The following ZNF525 variants were observed in gnomAD, a reference collection of about 807,000 sequenced individuals.
ZNF525 encodes the protein zinc finger protein 525.
A neutral mutation model predicts 37.6 loss-of-function variants in ZNF525; 33 were observed. The observed-to-expected ratio is 0.88, with a 90% CI of 0.67 to 1.17. The LOEUF is 1.17. Among genes scored for constraint, ZNF525 ranks in the 50% most tolerant of loss-of-function variants. The probability of loss-of-function intolerance (pLI) is 0.00; values close to 1 mark genes in which losing one functional copy is unlikely to be tolerated. For missense variants in ZNF525, 449 were observed against 543.1 expected (o/e 0.83, Z 1.72); for synonymous variants, 170 against 182.3 (o/e 0.93, Z 0.54).
At chr19:53,380,607 CCTTT>C in intron 3 of ZNF525, 111 bp from the exon 4 acceptor site, 1 of 595,168 alleles carries the variant, frequency 1.7e-6, no homozygotes. Context: ...ATGTAATCGC[CCTTT>C]ATTTATTAAA....
chr19:53,366,554 A>G (rs1600005840), intron 1 of ZNF525, among the ~76,000 whole-genome samples: 1 of 151,994 alleles, frequency 6.6e-6, no homozygotes, highest in African/African-American at 2.4e-5. Context: ...AAAAAAAAAA[A>G]AAAGATAAGC....
intron 2 of ZNF525, 128 bp downstream of exon 2, chr19:53,372,424 C>T (rs1421729913): frequency 2.7e-6 from 2 of 748,950 alleles, no homozygotes; most frequent in East Asian, 2.5e-5. Flanking sequence ...CATGCCTTCC[C>T]TCAGTCCCTC....
rs138212595 is a variant in ZNF525 at position 53,386,273 on chromosome 19, C to T, written c.*4254C>T. 9.0e-5 allele frequency: 61 copies of T among 678,526 alleles called. 1 individual carries two copies. The highest frequency in any genetic ancestry group is 1.5e-4 in the Non-Finnish European group (56 of 364,966). 42.0% of individuals were successfully genotyped at this position (678,526 alleles called of 1,614,324 possible). ...ACTTTCAGGATTAAGCGATTCCTGG[C>T]CAAGAAACAAAAGCAAAACCATCCC... On this transcript the variant is annotated 3_prime_UTR_variant, in exon 4 of 4. Coordinates refer to ENST00000474037, the MANE Select transcript of ZNF525 (RefSeq NM_001348156.2).
chr19:53,386,121 A>T lies in ZNF525; in HGVS notation c.*4102A>T, dbSNP rs2045206641. ...CAGTGAACTGAGATGGCAACATTAC[A>T]CTCTAGCCTGAGCAACAAGAGCAAA... On this transcript the variant is annotated 3_prime_UTR_variant, in exon 4 of 4. Coordinates refer to ENST00000474037, the MANE Select transcript of ZNF525 (RefSeq NM_001348156.2). 1 of 398,744 alleles carries T rather than the reference A, an allele frequency of 2.5e-6. No individual in the cohort carries two copies. Among genetic ancestry groups the T allele is most frequent in the Non-Finnish European group, 4.8e-6 (1 of 208,960 alleles). 24.7% of individuals were successfully genotyped at this position (398,744 alleles called of 1,614,324 possible).
At position 53,380,991 on chromosome 19, in the gene ZNF525, T is replaced by G. The variant is rs1029926191; in HGVS notation, c.412T>G (p.Tyr138Asp). The G allele has an allele frequency of 1.1e-5, 18 of 1,589,596 alleles. No homozygotes were observed. Among genetic ancestry groups the G allele is most frequent in the Middle Eastern group, 1.7e-4 (1 of 6,022 alleles). The stretch of plus-strand genomic sequence containing the variant: ...GCATGCTGGAAACAAGCCTATTAAA[T>G]ATCAGCTTGGATCAAGCTTTCATTC... ...HRHAGNKPIK[Y>D]QLGSSFHSHL... Residue 138 changes from tyrosine to aspartate, a missense_variant, in exon 4 of 4, where the codon TAT (tyrosine) becomes GAT (aspartate). Transcript: ENST00000474037.
In ZNF525 at chr19:53,380,830, A is replaced by G. The variant is rs1414031822; in HGVS notation, c.251A>G (p.Asp84Gly). 1 of 1,439,876 alleles carries G rather than the reference A, an allele frequency of 6.9e-7. No individual in the cohort carries two copies. Among genetic ancestry groups the G allele is most frequent in the African/African-American group, 1.4e-5 (1 of 71,384 alleles). The allele number at this position is 1,439,876 out of a possible 1,614,324, so 89.2% of individuals were successfully genotyped here. ...AGACATGAACGTCATCACATTGGAG[A>G]TTTTTCCTTCCAGGAAATTGAGAAA... ...LQRHERHHIG[D>G]FSFQEIEKDI... Residue 84 changes from aspartate to glycine, a missense_variant, in exon 4 of 4, where the codon GAT becomes GGT. Asp to Gly is a moderately conservative substitution (Grantham distance 94). This residue lies in a region of ZNF525 where 271 missense variants were observed against 381.6 expected (regional missense o/e 0.71). Coordinates refer to ENST00000474037, the MANE Select transcript of ZNF525 (RefSeq NM_001348156.2).
At chr19:53,366,594 G>C (rs182288423) in intron 1 of ZNF525, among the ~76,000 whole-genome samples, 97 of 151,300 alleles carry the variant, frequency 6.4e-4, no homozygotes, top group Admixed American at 6.4e-3. Context: ...GAGAAATGTA[G>C]AGAAAAGCTA....
At chr19:53,365,941 G>A (rs1390005925) in intron 1 of ZNF525, among the ~76,000 whole-genome samples, 182 bp downstream of exon 1, 7 of 152,096 alleles carry the variant, frequency 4.6e-5, no homozygotes, top group African/African-American at 1.7e-4. Flanking sequence ...GTCTCCCTGA[G>A]GCTGGTCCCG....
intron 1 of ZNF525, among the ~76,000 whole-genome samples, chr19:53,368,211 G>A (rs1459816725): frequency 6.6e-6 from 1 of 152,170 alleles, no homozygotes; most frequent in Non-Finnish European, 1.5e-5. Context: ...ATAGAGACCA[G>A]AGGGTGCTTG....
Position 53,381,988 on chromosome 19 carries a change from G to C in ZNF525, c.1409G>C (p.Gly470Ala). The change falls in exon 4 of 4, where the codon GGA becomes GCA. Residue 470 changes from glycine to alanine, a missense_variant. Physicochemically the swap from Gly to Ala is moderately conservative, Grantham distance 60 (BLOSUM62 0). This residue lies in a region of ZNF525 where 178 missense variants were observed against 161.5 expected (regional missense o/e 1.10). Coordinates refer to ENST00000474037, the MANE Select transcript of ZNF525 (RefSeq NM_001348156.2). The stretch of plus-strand genomic sequence containing the variant: ...AGTGGAGAGAAACCTTGCAAGTGTG[G>C]AGAATGTGACAAGGCTTACAGTTTC... ...LHSGEKPCKCGECDKAYSFK is the reference protein window; with the variant it reads ...LHSGEKPCKCAECDKAYSFK 9.1e-7 allele frequency: 1 copy of C among 1,099,914 alleles called. No homozygotes were observed. 68.1% of individuals were successfully genotyped at this position (1,099,914 alleles called of 1,614,324 possible). A position where few individuals can be genotyped will look rare whatever the true frequency, so the allele number is the denominator to read the frequency against.
In ZNF525 at chr19:53,376,401, G is replaced by T. The variant is rs116820830; in HGVS notation, c.142+505G>T. 2,966 of 664,478 alleles carry T rather than the reference G, an allele frequency of 4.5e-3. 55 individuals carry two copies. The African/African-American group carries it at 0.045, about 10-fold the overall frequency. The allele number at this position is 664,478 out of a possible 1,614,324, so 41.2% of individuals were successfully genotyped here. On this transcript the variant is annotated intron_variant, in intron 3 of 3. Coordinates refer to ENST00000474037, the MANE Select transcript of ZNF525 (RefSeq NM_001348156.2). ...CATTTGAAATATTACTGATGCAGAA[G>T]ACCTTACCATTGCCTTTTTGTTACA...
rs2085578080 is a variant in ZNF525, at chr19:53,382,972, A to G, written c.*953A>G. On this transcript the variant is annotated 3_prime_UTR_variant, in exon 4 of 4. Coordinates refer to ENST00000474037, the MANE Select transcript of ZNF525 (RefSeq NM_001348156.2). ...TAATTCATAAGGCAATTCATACTGG[A>G]GAGAAACCTTACAAGTGTAATGAAT... 6.6e-7 allele frequency: 1 copy of G among 1,520,228 alleles called. No homozygotes were observed. The highest frequency in any genetic ancestry group is 9.1e-7 in the Non-Finnish European group (1 of 1,101,672). 94.2% of individuals were successfully genotyped at this position (1,520,228 alleles called of 1,614,324 possible). A position where few individuals can be genotyped will look rare whatever the true frequency, so the allele number is the denominator to read the frequency against.
Position 53,382,753 on chromosome 19 carries a change from AT to A in ZNF525, c.*739del. Reference sequence around the variant, plus strand: ...CTTACAAGTGTGATAAATGTGACAAATTTTTCAGACATCGTTCATACCTTGC... The same window carrying A: ...CTTACAAGTGTGATAAATGTGACAAATTTTCAGACATCGTTCATACCTTGC... On this transcript the variant is annotated 3_prime_UTR_variant, in exon 4 of 4. Coordinates refer to ENST00000474037, the MANE Select transcript of ZNF525 (RefSeq NM_001348156.2). The A allele has an allele frequency of 1.1e-6, 1 of 901,624 alleles. No individual in the cohort carries two copies. The highest frequency in any genetic ancestry group is 1.6e-5 in the African/African-American group (1 of 60,826). 55.9% of individuals were successfully genotyped at this position (901,624 alleles called of 1,614,324 possible).
intron 1 of ZNF525, among the ~76,000 whole-genome samples, 163 bp downstream of exon 1, chr19:53,365,922 G>C (rs1188027071): frequency 1.3e-5 from 2 of 152,044 alleles, no homozygotes; most frequent in African/African-American, 2.4e-5. Flanking sequence ...ACTTCCTTTT[G>C]GGTTTAAAGT....
Position 53,386,454 on chromosome 19 carries a change from A to C in ZNF525, c.*4435A>C. 1 of 696,010 alleles carries C rather than the reference A, an allele frequency of 1.4e-6. No homozygotes were observed. Among genetic ancestry groups the C allele is most frequent in the Non-Finnish European group, 2.6e-6 (1 of 389,004 alleles). The allele number at this position is 696,010 out of a possible 1,614,324, so 43.1% of individuals were successfully genotyped here. On this transcript the variant is annotated 3_prime_UTR_variant, in exon 4 of 4. Coordinates refer to ENST00000474037, the MANE Select transcript of ZNF525 (RefSeq NM_001348156.2). ...AGCATCACAATCACGTTACCATATC[A>C]AGCTGAAAATGTCACCACTATCTGG...
rs768190457 is a variant in ZNF525 at position 53,381,343 on chromosome 19, A to G, written c.764A>G (p.Lys255Arg). ...GTATGTGACAAGGTCTTTATTCGGA[A>G]GCGATACCTTGCACGCCATCGTAGA... ...CDVCDKVFIR[K>R]RYLARHRRCH... Residue 255 changes from lysine (K) to arginine (R), a missense_variant, in exon 4 of 4, where the codon AAG (lysine) becomes AGG (arginine). Around this residue, in one of 2 missense-constraint regions of ZNF525, gnomAD observed 271 missense variants for 381.6 expected, o/e 0.71. Transcript: ENST00000474037. The G allele has an allele frequency of 8.8e-6, 14 of 1,584,612 alleles. No individual in the cohort carries two copies. In the East Asian group the frequency reaches 3.1e-4, roughly 35 times the overall value.
chr19:53,383,181 C>T lies in ZNF525; in HGVS notation c.*1162C>T, dbSNP rs1326397519. On this transcript the variant is annotated 3_prime_UTR_variant, in exon 4 of 4. Coordinates refer to ENST00000474037, the MANE Select transcript of ZNF525 (RefSeq NM_001348156.2). ...TGTAATGAGTGTGGCAAGACCTACT[C>T]TCACAATTCAGTCCTTGTAATTCAT... 2 of 1,365,692 alleles carry T rather than the reference C, an allele frequency of 1.5e-6. No homozygotes were observed. Among genetic ancestry groups the T allele is most frequent in the Non-Finnish European group, 2.0e-6 (2 of 978,876 alleles). The allele number at this position is 1,365,692 out of a possible 1,614,324, so 84.6% of individuals were successfully genotyped here.
rs1400679915 is a variant in ZNF525 at position 53,383,456 on chromosome 19, G to T, written c.*1437G>T. On this transcript the variant is annotated 3_prime_UTR_variant, in exon 4 of 4. Transcript: ENST00000474037. ...GCAAATCAAACCTCGAAAGACAGGA[G>T]AATTCATACTGGAGAGAAACCATAA... 1 of 1,015,142 alleles carries T rather than the reference G, an allele frequency of 9.9e-7. No homozygotes were observed. Among genetic ancestry groups the T allele is most frequent in the East Asian group, 3.5e-5 (1 of 28,472 alleles). 62.9% of individuals were successfully genotyped at this position (1,015,142 alleles called of 1,614,324 possible). A position where few individuals can be genotyped will look rare whatever the true frequency, so the allele number is the denominator to read the frequency against.
In ZNF525 at chr19:53,382,114, A is replaced by G; in HGVS notation, c.*95A>G. 6.4e-7 allele frequency: 1 copy of G among 1,553,324 alleles called. No individual in the cohort carries two copies. Among genetic ancestry groups the G allele is most frequent in the Non-Finnish European group, 8.8e-7 (1 of 1,132,266 alleles). ...TTCAGTCATACGTCATCCATTGTAT[A>G]CCATCATAAATTTCATAGTGGAGAG... On this transcript the variant is annotated 3_prime_UTR_variant, in exon 4 of 4. Coordinates refer to ENST00000474037, the MANE Select transcript of ZNF525 (RefSeq NM_001348156.2).
Sources: allele counts gnomAD v4.1 joint callset (sites outside exome capture counted in the v4.1 genomes callset), GRCh38; gene constraint gnomAD v4.1.1; regional missense constraint gnomAD v4.1.1; transcripts MANE v1.5; gene names NCBI Gene and HGNC (gene_info 2026-07-23, HGNC 2026-07-21).